PCNX1: variants seen among roughly 807,000 people sequenced by gnomAD.
PCNX1 encodes the protein pecanex 1, also known as pecanex-like protein 1.
A neutral mutation model predicts 242.2 loss-of-function variants in PCNX1; 78 were observed. The ratio of observed to expected loss-of-function variants is 0.32; its 90% confidence interval spans 0.27 to 0.39. The LOEUF (loss-of-function observed/expected upper bound fraction) is 0.39, where lower values mean the gene tolerates loss of function less well. PCNX1 is among the 10% of genes least tolerant of loss of function. PCNX1 has a pLI of 1.00. For synonymous variants in PCNX1, 1,024 were observed against 1,032.9 expected (o/e 0.99, Z 0.17); for missense variants, 2,581 against 2,856.5 (o/e 0.90, Z 2.20).
intron 11 of PCNX1, among the ~76,000 whole-genome samples, chr14:71,018,158 T>C (rs1024648811): frequency 3.3e-5 from 5 of 152,260 alleles, no homozygotes; most frequent in Admixed American, 1.3e-4. Context: ...TGTGTCCTGC[T>C]TTCTGTATGT....
intron 2 of PCNX1, among the ~76,000 whole-genome samples, chr14:70,961,226 G>A (rs1216284695): frequency 6.6e-6 from 1 of 152,084 alleles, no homozygotes; most frequent in African/African-American, 2.4e-5. Context: ...TAAGCCAAAA[G>A]AACAAAGCTG....
intron 28 of PCNX1, among the ~76,000 whole-genome samples, chr14:71,080,311 C>G (rs957944329): frequency 2.6e-5 from 4 of 152,168 alleles, no homozygotes; most frequent in African/African-American, 7.2e-5. Flanking sequence ...TAATGTGATG[C>G]CTCCAGCTTT....
intron 8 of PCNX1, among the ~76,000 whole-genome samples, chr14:71,008,074 C>T (rs1247918625): frequency 2.7e-5 from 4 of 150,716 alleles, no homozygotes; most frequent in Admixed American, 6.6e-5. Flanking sequence ...GTATATTATT[C>T]GACAAAAAAA....
chr14:71,008,634 T>A (rs1053767752), intron 8 of PCNX1, among the ~76,000 whole-genome samples: 5 of 119,064 alleles, frequency 4.2e-5, no homozygotes, highest in Non-Finnish European at 7.9e-5. Context: ...CCAGCCTGGG[T>A]GACAGAGCGA....
intron 5 of PCNX1, 104 bp from the exon 6 acceptor site, chr14:70,976,834 ATTAT>A (rs1364447011): frequency 7.3e-6 from 7 of 961,458 alleles, no homozygotes; most frequent in African/African-American, 1.6e-5. Context: ...TACTTGAGAA[ATTAT>A]TTATACTTGA....
Position 71,103,620 on chromosome 14 carries a change from C to A in PCNX1, c.6046C>A (p.Pro2016Thr). The change falls in exon 32 of 36, where the codon CCT becomes ACT. Residue 2016 changes from proline (P) to threonine (T), a missense_variant. This residue lies in a region of PCNX1 where 432 missense variants were observed against 433.6 expected (regional missense o/e 1.00). Transcript: ENST00000304743. ...HEQLKDILGG[P>T]ISLGNIRNFI... ...ACAGCTTAAAGACATTCTTGGGGGT[C>A]CTATCAGCTTGGGAAATATCAGGAA... 1 of 1,614,086 alleles carries A rather than the reference C, an allele frequency of 6.2e-7. No individual in the cohort carries two copies. Among genetic ancestry groups the A allele is most frequent in the East Asian group, 2.2e-5 (1 of 44,876 alleles).
intron 15 of PCNX1, 25 bp from the exon 16 acceptor site, chr14:71,028,675 C>T (rs2060301406): frequency 3.6e-6 from 5 of 1,377,784 alleles, no homozygotes; most frequent in Non-Finnish European, 5.1e-6. Flanking sequence ...TAAAATGTTT[C>T]TTACCTTTTC....
intron 6 of PCNX1, among the ~76,000 whole-genome samples, chr14:70,987,237 A>G (rs149397139): frequency 4.8e-4 from 73 of 152,328 alleles, no homozygotes; most frequent in African/African-American, 1.6e-3. Flanking sequence ...GCACTGTTCA[A>G]TATAACTTTG....
At chr14:70,985,717 A>G (rs903353409) in intron 6 of PCNX1, among the ~76,000 whole-genome samples, 14 of 152,198 alleles carry the variant, frequency 9.2e-5, no homozygotes, top group African/African-American at 3.4e-4. Flanking sequence ...TTACCTACAC[A>G]TGCATAAAGT....
chr14:71,026,670 A>T lies in PCNX1; in HGVS notation c.3356-102A>T, dbSNP rs915408615. On this transcript the variant is annotated intron_variant, in intron 14 of 35. Coordinates refer to ENST00000304743, the MANE Select transcript of PCNX1 (RefSeq NM_014982.3). ...TACTGTCTTTTAAAAATTGCTTAGTAGTTTATGTTAATTTGGGATTTTTAA... is the reference window on the plus strand; with the variant it reads ...TACTGTCTTTTAAAAATTGCTTAGTTGTTTATGTTAATTTGGGATTTTTAA... The T allele has an allele frequency of 1.8e-4, 91 of 505,218 alleles. 1 individual carries two copies. Among genetic ancestry groups the T allele is most frequent in the South Asian group, 9.1e-4 (23 of 25,156 alleles). The allele number at this position is 505,218 out of a possible 1,614,324, so 31.3% of individuals were successfully genotyped here.
chr14:71,039,085 G>T (rs2060631296), intron 19 of PCNX1, among the ~76,000 whole-genome samples: 1 of 151,898 alleles, frequency 6.6e-6, no homozygotes, highest in Non-Finnish European at 1.5e-5. Context: ...GATGGGGGTA[G>T]TGGGGAGGGA....
chr14:70,978,341 A>G lies in PCNX1; in HGVS notation c.2004A>G (p.Gly668=). The change falls in exon 6 of 36, where the codon GGA becomes GGG. Residue 668 remains glycine (G), a synonymous_variant. Coordinates refer to ENST00000304743, the MANE Select transcript of PCNX1 (RefSeq NM_014982.3). ...ACAAAGCTCATTTGGTTCCTGAAGG[A>G]ACCAGCAAAAAGCGTGCAACACGAC... ...HTHKAHLVPE[G]TSKKRATRRT... 6.2e-7 allele frequency: 1 copy of G among 1,614,230 alleles called. No homozygotes were observed. Among genetic ancestry groups the G allele is most frequent in the Non-Finnish European group, 8.5e-7 (1 of 1,180,038 alleles).
chr14:71,003,102 A>ATTTTTTTTTTTT (rs2059556546), intron 8 of PCNX1, among the ~76,000 whole-genome samples: 1 of 25,742 alleles, frequency 3.9e-5, no homozygotes, highest in African/African-American at 3.1e-4. Flanking sequence ...TTTTTTTTTG[A>ATTTTTTTTTTTT]GACAGAGTCT....
At chr14:71,096,060 C>T (rs2062269705) in intron 30 of PCNX1, among the ~76,000 whole-genome samples, 1 of 152,146 alleles carries the variant, frequency 6.6e-6, no homozygotes, top group South Asian at 2.1e-4. Context: ...TGGCTCACGC[C>T]TATAATCCCA....
At chr14:70,959,121 A>G (rs1416964093) in intron 2 of PCNX1, among the ~76,000 whole-genome samples, 2 of 151,040 alleles carry the variant, frequency 1.3e-5, no homozygotes, top group Non-Finnish European at 2.9e-5. Flanking sequence ...ATTATGACTT[A>G]TTCTAAGAGT....
At chr14:71,010,901 G>A (rs1373187474) in intron 9 of PCNX1, among the ~76,000 whole-genome samples, 1 of 151,896 alleles carries the variant, frequency 6.6e-6, no homozygotes, top group Non-Finnish European at 1.5e-5. Context: ...AAGCTCCTTT[G>A]GTCTAGTTTC....
intron 9 of PCNX1, chr14:71,009,964 C>T (rs904897262): frequency 3.7e-5 from 12 of 320,368 alleles, no homozygotes; most frequent in South Asian, 2.2e-4. Context: ...ATCTTGTTTG[C>T]GGTGAGGACA....
At chr14:71,000,306 G>A (rs576162047) in intron 8 of PCNX1, among the ~76,000 whole-genome samples, 114 of 152,154 alleles carry the variant, frequency 7.5e-4, no homozygotes, top group African/African-American at 2.7e-3. Flanking sequence ...AAAATACCAT[G>A]AAGAAAATTA....
intron 1 of PCNX1, among the ~76,000 whole-genome samples, chr14:70,932,980 C>T (rs2056863914): frequency 6.6e-6 from 1 of 152,120 alleles, no homozygotes; most frequent in Non-Finnish European, 1.5e-5. Flanking sequence ...AATCCTAAAC[C>T]ATTGTTTTCT....
Sources: gnomAD v4.1 joint callset for allele counts (sites outside exome capture counted in the v4.1 genomes callset) on GRCh38, gnomAD v4.1.1 for gene constraint, gnomAD v4.1.1 regional missense constraint, MANE v1.5 for transcripts, NCBI Gene and HGNC (gene_info 2026-07-23, HGNC 2026-07-21) for gene names.